The following KIFC2 variants were observed in gnomAD, a reference collection of about 807,000 sequenced individuals.
The protein encoded by KIFC2 is kinesin-like protein KIFC2.
KIFC2 carries 94 observed loss-of-function variants against 91.5 expected under a neutral mutation model. That is an observed-to-expected ratio of 1.03 (90% CI 0.87 to 1.22). The LOEUF (loss-of-function observed/expected upper bound fraction) is 1.22. Ranked by LOEUF, KIFC2 falls within the 50% of genes most tolerant of loss-of-function variation. The pLI, the probability that KIFC2 is intolerant of heterozygous loss-of-function variation, is 0.00. For missense variants in KIFC2, 1,357 were observed against 1,103.3 expected, an observed-to-expected ratio of 1.23 and a Z score of -3.26; for synonymous variants, 729 against 503.9, an observed-to-expected ratio of 1.45 and a Z score of -5.98.
chr8:144,467,948 G>A lies in KIFC2; in HGVS notation c.771G>A (p.Leu257=). 1 of 1,600,480 alleles carries A rather than the reference G, an allele frequency of 6.2e-7. No homozygotes were observed. The highest frequency in any genetic ancestry group is 1.7e-4 in the Middle Eastern group (1 of 5,976). The change falls in exon 7 of 18, where the codon CTG becomes CTA. Residue 257 remains leucine, a synonymous_variant. Transcript: ENST00000645548. ...KQSLSLMRDL[L]LHWGPGPPIR... is the part of the protein sequence containing the mutation. Reference sequence around the variant, plus strand: ...GCCTGAGTCTCATGCGGGACCTCCTGCTGCACTGGGGCCCCGGGCCCCCCA... The same window carrying A: ...GCCTGAGTCTCATGCGGGACCTCCTACTGCACTGGGGCCCCGGGCCCCCCA...
chr8:144,467,193 T>A lies in KIFC2; in HGVS notation c.331-10T>A. ...TCACAGCCCTGCTCGGATTCTTGTC[T>A]CCTTCGCAGTCTGGCGAGGTCCCCT... On this transcript the variant is annotated splice_polypyrimidine_tract_variant and intron_variant, in intron 3 of 17. Coordinates refer to ENST00000645548, the MANE Select transcript of KIFC2 (RefSeq NM_001369769.2). 1 of 1,613,486 alleles carries A rather than the reference T, an allele frequency of 6.2e-7. No individual in the cohort carries two copies. Among genetic ancestry groups the A allele is most frequent in the Non-Finnish European group, 8.5e-7 (1 of 1,180,010 alleles).
rs1174627579 is a variant in KIFC2, at chr8:144,473,036, G to A, written c.2103G>A (p.Ala701=). The change falls in exon 17 of 18, where the codon GCG becomes GCA. Residue 701 remains alanine, a synonymous_variant. Transcript: ENST00000645548. The part of the protein sequence containing the change: ...LQPALGPGTT[A]VLLLQISTRP... ...CGGCGCTGGGCCCAGGCACCACCGC[G>A]GTGCTGCTGCTGCAGGTGGGCGCCG... 7.1e-7 allele frequency: 1 copy of A among 1,414,256 alleles called. No homozygotes were observed. Among genetic ancestry groups the A allele is most frequent in the Middle Eastern group, 2.5e-4 (1 of 4,008 alleles). 87.6% of individuals were successfully genotyped at this position (1,414,256 alleles called of 1,614,324 possible). A position where few individuals can be genotyped will look rare whatever the true frequency, so the allele number is the denominator to read the frequency against.
chr8:144,473,338 C>G lies in KIFC2; in HGVS notation c.2325C>G (p.Pro775=), dbSNP rs773176205. 1 of 1,597,742 alleles carries G rather than the reference C, an allele frequency of 6.3e-7. No individual in the cohort carries two copies. The highest frequency in any genetic ancestry group is 1.7e-5 in the Admixed American group (1 of 58,542). Residue 775 remains proline, a synonymous_variant, in exon 18 of 18, where the codon CCC becomes CCG. Coordinates refer to ENST00000645548, the MANE Select transcript of KIFC2 (RefSeq NM_001369769.2). ...CTGGCAGTCCTCCATGCCCCAGTCC[C>G]GACAACGGCTCGGGCTCGGCTCTCG... The part of the protein sequence containing the change: ...PSPGSPPCPS[P]DNGSGSALAP...
In KIFC2 at chr8:144,473,189, C is replaced by T. The variant is rs529855597; in HGVS notation, c.2176C>T (p.Arg726Ter). ...AGTCTGCTCCCTCAAGTTCGCCGAC[C>T]GAGTGGGTCAAGTGGAGCTGGGGCC... ...ETVCSLKFAD[R>*]VGQVELGPAR... The change falls in exon 18 of 18, where the codon CGA becomes TGA. Residue 726 changes from arginine to a stop codon, truncating the protein, a stop_gained. Coordinates refer to ENST00000645548, the MANE Select transcript of KIFC2 (RefSeq NM_001369769.2). LOFTEE classifies it low-confidence loss of function (END_TRUNC). 1.9e-6 allele frequency: 3 copies of T among 1,582,970 alleles called. No individual in the cohort carries two copies. The highest frequency in any genetic ancestry group is 2.3e-5 in the East Asian group (1 of 43,302).
At chr8:144,472,324 A>G in intron 14 of KIFC2, 37 bp from the exon 15 acceptor site, 1 of 1,613,424 alleles carries the variant, frequency 6.2e-7, no homozygotes, top group South Asian at 1.1e-5. Context: ...GGATTTCCAG[A>G]GAATTCTGGA....
At position 144,466,456 on chromosome 8, in the gene KIFC2, T is replaced by C; in HGVS notation, c.37T>C (p.Tyr13His). ...TTACTCGTTGCTCATCTACATCTTC[T>C]ACAGCCTCTTCCGCAGGGATGGTGG... ...AFYSLLIYIF[Y>H]SLFRRDGGAA... Residue 13 changes from tyrosine to histidine, a missense_variant, in exon 1 of 18, where the codon TAC becomes CAC. Tyr to His is a moderately conservative substitution (Grantham distance 83). Coordinates refer to ENST00000645548, the MANE Select transcript of KIFC2 (RefSeq NM_001369769.2). 7.4e-7 allele frequency: 1 copy of C among 1,359,140 alleles called. No homozygotes were observed. The highest frequency in any genetic ancestry group is 9.6e-7 in the Non-Finnish European group (1 of 1,043,468). The allele number at this position is 1,359,140 out of a possible 1,614,324, so 84.2% of individuals were successfully genotyped here. A position where few individuals can be genotyped will look rare whatever the true frequency, so the allele number is the denominator to read the frequency against.
Position 144,472,676 on chromosome 8 carries a change from G to GTGGAGA in KIFC2, c.1831_1832insTGGAGA (p.Ala611delinsValGluThr). Reference sequence around the variant, plus strand: ...CCTGGTCACGCTGACGCTGCGCGCGGCGTCTCCACCGCGCGCTCCAGGCAC... The same window carrying GTGGAGA: ...CCTGGTCACGCTGACGCTGCGCGCGGTGGAGACGTCTCCACCGCGCGCTCCAGGCAC... On this transcript the variant is annotated protein_altering_variant, in exon 16 of 18. Transcript: ENST00000645548. 6.3e-7 allele frequency: 1 copy of GTGGAGA among 1,596,292 alleles called. No homozygotes were observed.
In KIFC2 at chr8:144,472,199, G is replaced by GGGCC; in HGVS notation, c.1555_1558dup (p.Gln520ProfsTer15). 1 of 1,613,360 alleles carries GGGCC rather than the reference G, an allele frequency of 6.2e-7. No homozygotes were observed. The highest frequency in any genetic ancestry group is 8.5e-7 in the Non-Finnish European group (1 of 1,180,002). ...CTGCAGTCGCTGTTCCGGGAGATGG[G>GGGCC]GGCCGGCCGGCAGCACCGGGTGACA... On this transcript the variant is annotated frameshift_variant, in exon 14 of 18. Coordinates refer to ENST00000645548, the MANE Select transcript of KIFC2 (RefSeq NM_001369769.2). LOFTEE classifies it high-confidence loss of function.
Position 144,472,236 on chromosome 8 carries a change from G to A in KIFC2, c.1584G>A (p.Val528=). The A allele has an allele frequency of 1.9e-6, 3 of 1,612,858 alleles. No homozygotes were observed. The highest frequency in any genetic ancestry group is 1.1e-5 in the South Asian group (1 of 91,050). The part of the protein sequence containing the change: ...GRQHRVTLSM[V]EIYNEAVRDL... ...AGCACCGGGTGACACTCAGCATGGT[G>A]GAGATCTACAATGAGGCTGTCAGGT... is the stretch of plus-strand genomic sequence containing the variant. Residue 528 remains valine, a synonymous_variant, in exon 14 of 18, where the codon GTG becomes GTA. Transcript: ENST00000645548.
In KIFC2 at chr8:144,467,938, G is replaced by A. The variant is rs774239310; in HGVS notation, c.761G>A (p.Arg254Gln). 2 of 1,607,192 alleles carry A rather than the reference G, an allele frequency of 1.2e-6. No individual in the cohort carries two copies. The highest frequency in any genetic ancestry group is 1.7e-6 in the Non-Finnish European group (2 of 1,177,818). Residue 254 changes from arginine (R) to glutamine (Q), a missense_variant, in exon 7 of 18, where the codon CGG becomes CAG. Physicochemically the swap from Arg to Gln is conservative, Grantham distance 43. Transcript: ENST00000645548. The stretch of plus-strand genomic sequence containing the variant: ...CTGAAGCAGAGCCTGAGTCTCATGC[G>A]GGACCTCCTGCTGCACTGGGGCCCC... ...EALKQSLSLM[R>Q]DLLLHWGPGP...
chr8:144,467,406 G>T (rs1358864090), intron 4 of KIFC2, 65 bp downstream of exon 4: 5 of 1,545,100 alleles, frequency 3.2e-6, no homozygotes, highest in Non-Finnish European at 4.4e-6. Flanking sequence ...GAACCTGGGC[G>T]GCCTGGAGTT....
chr8:144,468,122 G>A (rs1156368213), intron 7 of KIFC2, 135 bp downstream of exon 7: 5 of 1,228,452 alleles, frequency 4.1e-6, no homozygotes, highest in East Asian at 2.5e-5. Flanking sequence ...GGAGGCTGAT[G>A]CCAATGGGAA....
At position 144,473,301 on chromosome 8, in the gene KIFC2, C is replaced by T. The variant is rs1224641716; in HGVS notation, c.2288C>T (p.Pro763Leu). Residue 763 changes from proline to leucine, a missense_variant, in exon 18 of 18, where the codon CCT (proline) becomes CTT (leucine). By Grantham distance (98) the Pro-to-Leu change is moderately conservative (BLOSUM62 -3). Coordinates refer to ENST00000645548, the MANE Select transcript of KIFC2 (RefSeq NM_001369769.2). The part of the protein sequence containing the change: ...DTPLTGTPCT[P>L]TPSPGSPPCP... ...CCGCTCACCGGGACCCCCTGCACCCCTACGCCGTCCCCTGGCAGTCCTCCA... is the reference window on the plus strand; with the variant it reads ...CCGCTCACCGGGACCCCCTGCACCCTTACGCCGTCCCCTGGCAGTCCTCCA... The T allele has an allele frequency of 3.8e-5, 61 of 1,604,962 alleles. No individual in the cohort carries two copies. Among genetic ancestry groups the T allele is most frequent in the Non-Finnish European group, 5.0e-5 (59 of 1,177,010 alleles).
chr8:144,473,689 G>A lies in KIFC2; in HGVS notation c.*300G>A, dbSNP rs951766068. 3.3e-5 allele frequency: 16 copies of A among 485,416 alleles called. No homozygotes were observed. Among genetic ancestry groups the A allele is most frequent in the Non-Finnish European group, 4.3e-5 (12 of 280,462 alleles). The allele number at this position is 485,416 out of a possible 1,614,324, so 30.1% of individuals were successfully genotyped here. A position where few individuals can be genotyped will look rare whatever the true frequency, so the allele number is the denominator to read the frequency against. On this transcript the variant is annotated 3_prime_UTR_variant, in exon 18 of 18. Transcript: ENST00000645548. Reference sequence around the variant, plus strand: ...GAATCCCAGGCCCCCCCGCCAAGTGGTTACCCAAGTCACCACTCCTGACCC... The same window carrying A: ...GAATCCCAGGCCCCCCCGCCAAGTGATTACCCAAGTCACCACTCCTGACCC...
At chr8:144,469,212 C>A in intron 10 of KIFC2, 59 bp from the exon 11 acceptor site, 1 of 1,400,326 alleles carries the variant, frequency 7.1e-7, no homozygotes. Context: ...CCCTCCCACC[C>A]CCCACCTCCG....
chr8:144,467,918 G>T lies in KIFC2; in HGVS notation c.741G>T (p.Lys247Asn). ...QHLTLENEAL[K>N]QSLSLMRDLL... The stretch of plus-strand genomic sequence containing the variant: ...TGACTCTGGAGAACGAGGCCCTGAA[G>T]CAGAGCCTGAGTCTCATGCGGGACC... Residue 247 changes from lysine to asparagine, a missense_variant, in exon 7 of 18, where the codon AAG (lysine) becomes AAT (asparagine). Physicochemically the swap from Lys to Asn is moderately conservative, Grantham distance 94 (BLOSUM62 0). Transcript: ENST00000645548. 6.2e-7 allele frequency: 1 copy of T among 1,612,400 alleles called. No homozygotes were observed. Among genetic ancestry groups the T allele is most frequent in the Non-Finnish European group, 8.5e-7 (1 of 1,179,422 alleles).
In KIFC2 at chr8:144,472,414, A is replaced by G. The variant is rs1046951652; in HGVS notation, c.1661A>G (p.Glu554Gly). ...PERLAVRQGP[E>G]GQGGIQVAGL... is the part of the protein sequence containing the mutation. ...CGCCTGGCCGTGAGGCAGGGCCCAG[A>G]AGGCCAGGGCGGGATCCAGGTGGCT... is the stretch of plus-strand genomic sequence containing the variant. The change falls in exon 15 of 18, where the codon GAA (glutamate) becomes GGA (glycine). Residue 554 changes from glutamate (E) to glycine (G), a missense_variant. By Grantham distance (98) the Glu-to-Gly change is moderately conservative. Coordinates refer to ENST00000645548, the MANE Select transcript of KIFC2 (RefSeq NM_001369769.2). 3.1e-6 allele frequency: 5 copies of G among 1,613,054 alleles called. No homozygotes were observed. The highest frequency in any genetic ancestry group is 2.5e-6 in the Non-Finnish European group (3 of 1,179,858).
At position 144,467,129 on chromosome 8, in the gene KIFC2, G is replaced by T; in HGVS notation, c.330+19G>T. The T allele has an allele frequency of 6.2e-7, 1 of 1,609,180 alleles. No homozygotes were observed. Among genetic ancestry groups the T allele is most frequent in the Non-Finnish European group, 8.5e-7 (1 of 1,178,050 alleles). On this transcript the variant is annotated intron_variant, in intron 3 of 17. Transcript: ENST00000645548. Reference sequence around the variant, plus strand: ...GGGCCAGGTGAGCGCGGCGGAGGGGGCTGCTGGCAGGTACCACCTGCCCCG... The same window carrying T: ...GGGCCAGGTGAGCGCGGCGGAGGGGTCTGCTGGCAGGTACCACCTGCCCCG...
At chr8:144,471,153 A>G (rs774627090) in intron 12 of KIFC2, among the ~76,000 whole-genome samples, 5 of 45,932 alleles carry the variant, frequency 1.1e-4, no homozygotes, top group Admixed American at 3.3e-4. Flanking sequence ...TAGTAGAGAC[A>G]GGGGTTTCAC....
Sources: gnomAD v4.1 joint callset for allele counts (sites outside exome capture counted in the v4.1 genomes callset) on GRCh38, gnomAD v4.1.1 for gene constraint, MANE v1.5 for transcripts, NCBI Gene and HGNC (gene_info 2026-07-23, HGNC 2026-07-21) for gene names.